The following SLC49A4 variants were observed in gnomAD, a reference collection of about 807,000 sequenced individuals.
SLC49A4 encodes the protein solute carrier family 49 member 4, also known as disrupted in renal cancer protein 2.
Under a neutral mutation model 50.6 loss-of-function variants are expected in SLC49A4, and 36 were observed. That is an observed-to-expected ratio of 0.71 (90% confidence interval 0.55 to 0.94). The LOEUF is 0.94. Among genes scored for constraint, SLC49A4 ranks in the 40% least tolerant of loss-of-function variants. The pLI is 0.00. For synonymous variants in SLC49A4, 248 were observed against 241.2 expected, an observed-to-expected ratio of 1.03 and a Z score of -0.26; for missense variants, 503 against 605.7, an observed-to-expected ratio of 0.83 and a Z score of 1.78.
At chr3:122,816,452 G>A (rs139713433) in intron 2 of SLC49A4, among the ~76,000 whole-genome samples, 19 of 152,084 alleles carry the variant, frequency 1.2e-4, no homozygotes, top group Non-Finnish European at 2.1e-4. Context: ...GTATTGCTGC[G>A]GCCACAGGTC....
In SLC49A4 at chr3:122,850,007, C is replaced by T. The variant is rs1467448741; in HGVS notation, c.942+4136C>T. On this transcript the variant is annotated intron_variant, in intron 5 of 8. Transcript: ENST00000261038. ...TTTTAGAAAAAAAAAAAGTGCAGCT[C>T]GCTGCCAGCACTCATTTAATTTTAT... is the stretch of plus-strand genomic sequence containing the variant. Among the ~76,000 whole-genome samples, 13 of 152,142 alleles carry T rather than the reference C, an allele frequency of 8.5e-5. No individual in the cohort carries two copies. The East Asian group carries it at 1.5e-3, about 18-fold the overall frequency.
chr3:122,804,258 G>T (rs2107555900), intron 1 of SLC49A4, among the ~76,000 whole-genome samples: 1 of 152,302 alleles, frequency 6.6e-6, no homozygotes, highest in East Asian at 1.9e-4. Context: ...TAATGGGCCA[G>T]ATCTCATCTC....
rs1937302421 is a variant in SLC49A4, at chr3:122,879,168, A to G, written c.1322-95A>G. ...CTTCCAGGGTACATTTATTATAAGT[A>G]CTTTTTAATGCAGAGCAGATTCCTT... On this transcript the variant is annotated intron_variant, in intron 8 of 8. Coordinates refer to ENST00000261038, the MANE Select transcript of SLC49A4 (RefSeq NM_032839.3). 4.7e-6 allele frequency: 4 copies of G among 856,678 alleles called. No homozygotes were observed. In the East Asian group the frequency reaches 7.3e-5, roughly 16 times the overall value. 53.1% of individuals were successfully genotyped at this position (856,678 alleles called of 1,614,324 possible).
chr3:122,840,970 A>G (rs529991140), intron 4 of SLC49A4, among the ~76,000 whole-genome samples: 2 of 152,338 alleles, frequency 1.3e-5, no homozygotes, highest in East Asian at 1.9e-4. Flanking sequence ...ATTTTTAACA[A>G]ATTTCCATAG....
At chr3:122,824,730 C>A (rs866376423) in intron 2 of SLC49A4, among the ~76,000 whole-genome samples, 3 of 82,914 alleles carry the variant, frequency 3.6e-5, no homozygotes, top group South Asian at 4.2e-4. Context: ...TTTTTTCCTT[C>A]TTTTTTTTTT....
intron 2 of SLC49A4, among the ~76,000 whole-genome samples, chr3:122,808,088 A>G (rs1465885331): frequency 1.3e-5 from 2 of 152,222 alleles, no homozygotes; most frequent in Non-Finnish European, 2.9e-5. Flanking sequence ...CTGAGCTTCT[A>G]CTATGTGCCA....
intron 5 of SLC49A4, among the ~76,000 whole-genome samples, chr3:122,852,811 A>T (rs768846226): frequency 3.3e-5 from 5 of 152,136 alleles, no homozygotes; most frequent in Admixed American, 2.0e-4. Context: ...TCCCTTAGCC[A>T]CCTTGTCTGA....
At position 122,858,338 on chromosome 3, in the gene SLC49A4, T is replaced by A. The variant is rs938570196; in HGVS notation, c.1011-1737T>A. ...AAAGCCTGTTTTATTCTCTTATACC[T>A]TGTCATCTCTGTATCTGACAAATAA... is the stretch of plus-strand genomic sequence containing the variant. On this transcript the variant is annotated intron_variant, in intron 6 of 8. Transcript: ENST00000261038. 2.6e-5 allele frequency among the ~76,000 whole-genome samples: 4 copies of A among 152,228 alleles called. No homozygotes were observed. The South Asian group carries it at 8.3e-4, about 32-fold the overall frequency.
chr3:122,857,973 A>G (rs1937009202), intron 6 of SLC49A4, among the ~76,000 whole-genome samples: 1 of 152,190 alleles, frequency 6.6e-6, no homozygotes, highest in Non-Finnish European at 1.5e-5. Flanking sequence ...ATTTGTTGAA[A>G]TGGAAGTTCT....
intron 4 of SLC49A4, among the ~76,000 whole-genome samples, chr3:122,837,924 A>C (rs1198180966): frequency 6.6e-6 from 1 of 152,258 alleles, no homozygotes; most frequent in African/African-American, 2.4e-5. Flanking sequence ...TCTCAAAAGA[A>C]GACATTAATG....
intron 5 of SLC49A4, among the ~76,000 whole-genome samples, chr3:122,855,755 A>G (rs997508011): frequency 6.6e-6 from 1 of 152,196 alleles, no homozygotes; most frequent in Non-Finnish European, 1.5e-5. Context: ...CATTTAATCC[A>G]TTTTACAGGT....
chr3:122,826,691 A>T, intron 2 of SLC49A4, 109 bp from the exon 3 acceptor site: 1 of 1,071,244 alleles, frequency 9.3e-7, no homozygotes, highest in East Asian at 2.4e-5. Context: ...TTCTTTACAG[A>T]TATGTATACT....
Position 122,860,228 on chromosome 3 carries a change from T to A in SLC49A4, c.1138+26T>A, listed in dbSNP as rs368329447. 1.7e-5 allele frequency: 26 copies of A among 1,556,444 alleles called. 3 individuals carry two copies. The highest frequency in any genetic ancestry group is 4.1e-5 in the Admixed American group (2 of 49,378). ...GTGAGCATAGGCTATTTTTGAACTT[T>A]TAATAAATATTTTCATTCACAGAAG... On this transcript the variant is annotated intron_variant, in intron 7 of 8. Transcript: ENST00000261038.
intron 1 of SLC49A4, among the ~76,000 whole-genome samples, chr3:122,797,625 T>C (rs1560188037): frequency 6.6e-6 from 1 of 152,208 alleles, no homozygotes; most frequent in African/African-American, 2.4e-5. Context: ...GAAGGGCTTC[T>C]CCTACCAAAG....
At chr3:122,803,347 T>C (rs1055158208) in intron 1 of SLC49A4, among the ~76,000 whole-genome samples, 3 of 152,166 alleles carry the variant, frequency 2.0e-5, no homozygotes, top group South Asian at 2.1e-4. Flanking sequence ...CCAGTGATTA[T>C]GCCTGAGCAC....
At chr3:122,831,746 A>T (rs1936610906) in intron 3 of SLC49A4, among the ~76,000 whole-genome samples, 1 of 152,128 alleles carries the variant, frequency 6.6e-6, no homozygotes, top group South Asian at 2.1e-4. Flanking sequence ...TGTGCATTGT[A>T]TGTCATGTGA....
chr3:122,879,735 T>C lies in SLC49A4; in HGVS notation c.*357T>C, dbSNP rs1560248779. 1 of 164,680 alleles carries C rather than the reference T, an allele frequency of 6.1e-6. No homozygotes were observed. The highest frequency in any genetic ancestry group is 1.8e-4 in the East Asian group (1 of 5,688). 10.2% of individuals were successfully genotyped at this position (164,680 alleles called of 1,614,324 possible). A position where few individuals can be genotyped will look rare whatever the true frequency, so the allele number is the denominator to read the frequency against. On this transcript the variant is annotated 3_prime_UTR_variant, in exon 9 of 9. Transcript: ENST00000261038. ...TATGAAAAGAAATAAAGGGTGTCTA[T>C]CATATGAAGATAACGCCTTCCCTAA...
chr3:122,879,213 C>G, intron 8 of SLC49A4, 50 bp from the exon 9 acceptor site: 1 of 1,326,132 alleles, frequency 7.5e-7, no homozygotes, highest in Non-Finnish European at 1.1e-6. Flanking sequence ...AGGTGGTGGT[C>G]TGCTGGTGAT....
intron 7 of SLC49A4, 112 bp from the exon 8 acceptor site, chr3:122,872,303 G>C (rs1163260624): frequency 1.1e-6 from 1 of 931,186 alleles, no homozygotes; most frequent in East Asian, 2.5e-5. Context: ...AACTACCTTT[G>C]AAAAGAAGAA....
Sources: allele counts gnomAD v4.1 joint callset (sites outside exome capture counted in the v4.1 genomes callset), GRCh38; gene constraint gnomAD v4.1.1; transcripts MANE v1.5; gene names NCBI Gene and HGNC (gene_info 2026-07-23, HGNC 2026-07-21).